ZNF326: variants seen among roughly 807,000 people sequenced by gnomAD.
ZNF326 encodes DBIRD complex subunit ZNF326.
A neutral mutation model predicts 63.1 loss-of-function variants in ZNF326; 30 were observed. That is an observed-to-expected ratio of 0.48 (90% CI 0.36 to 0.64). ZNF326 has a LOEUF of 0.64. ZNF326 is among the 30% of genes least tolerant of loss of function. The pLI is 0.00. For synonymous variants in ZNF326, 194 were observed against 228.2 expected (o/e 0.85, Z 1.35); for missense variants, 609 against 720.3 (o/e 0.85, Z 1.77).
At chr1:90,001,851 C>T (rs1648701242) in intron 2 of ZNF326, among the ~76,000 whole-genome samples, 1 of 152,152 alleles carries the variant, frequency 6.6e-6, no homozygotes, top group Admixed American at 6.5e-5. Flanking sequence ...AGCCACCTTG[C>T]CCAGCCCATA....
At chr1:90,000,479 G>C (rs1648621234) in intron 2 of ZNF326, among the ~76,000 whole-genome samples, 1 of 152,166 alleles carries the variant, frequency 6.6e-6, no homozygotes, top group Non-Finnish European at 1.5e-5. Flanking sequence ...TAGGAGCACT[G>C]CTTGAGGCCA....
chr1:90,004,798 CTTTTTTT>C (rs34878438), intron 2 of ZNF326, among the ~76,000 whole-genome samples, 198 bp from the exon 3 acceptor site: 1 of 68,118 alleles, frequency 1.5e-5, no homozygotes, highest in Non-Finnish European at 2.6e-5. Context: ...AATATCAGGG[CTTTTTTT>C]TTTTTTTTTT....
intron 7 of ZNF326, 61 bp downstream of exon 7, chr1:90,013,298 C>T: frequency 4.8e-6 from 6 of 1,257,912 alleles, no homozygotes; most frequent in Non-Finnish European, 6.5e-6. Context: ...AAAAAGCCAA[C>T]ACATCAATTG....
intron 9 of ZNF326, among the ~76,000 whole-genome samples, chr1:90,020,115 GTTTTTCT>G (rs1649692649): frequency 2.6e-5 from 4 of 151,932 alleles, no homozygotes; most frequent in Non-Finnish European, 5.9e-5. Context: ...ATTACTTCCA[GTTTTTCT>G]TATCTTACGA....
At chr1:90,021,387 T>A (rs904009110) in intron 10 of ZNF326, among the ~76,000 whole-genome samples, 1 of 151,980 alleles carries the variant, frequency 6.6e-6, no homozygotes, top group Non-Finnish European at 1.5e-5. Context: ...TGTTTTAGAA[T>A]AAAAAAGAAA....
intron 6 of ZNF326, 135 bp from the exon 7 acceptor site, chr1:90,012,991 G>T: frequency 1.7e-6 from 1 of 597,604 alleles, no homozygotes; most frequent in South Asian, 4.8e-5. Flanking sequence ...CTCAAACTCC[G>T]ATTTTTTTGG....
chr1:90,005,804 A>G (rs1045549419), intron 4 of ZNF326: 1 of 985,408 alleles, frequency 1.0e-6, no homozygotes, highest in Admixed American at 6.1e-5. Flanking sequence ...ATTTATTGAC[A>G]GGTACTACTT....
At chr1:90,001,790 T>G (rs1022603080) in intron 2 of ZNF326, among the ~76,000 whole-genome samples, 5 of 152,124 alleles carry the variant, frequency 3.3e-5, no homozygotes, top group Admixed American at 1.3e-4. Flanking sequence ...ACTCCTGACC[T>G]CAGGTGATCC....
At chr1:90,020,745 G>A in intron 9 of ZNF326, 47 bp from the exon 10 acceptor site, 1 of 1,571,088 alleles carries the variant, frequency 6.4e-7, no homozygotes, top group Non-Finnish European at 8.6e-7. Context: ...TCATTGGTCA[G>A]AAATAACATA....
chr1:90,011,987 C>T (rs1205369467), intron 6 of ZNF326, among the ~76,000 whole-genome samples: 1 of 152,116 alleles, frequency 6.6e-6, no homozygotes, highest in Non-Finnish European at 1.5e-5. Flanking sequence ...CAGATGTGCA[C>T]CACCACGCCC....
rs2101106845 is a variant in ZNF326 at position 90,030,367 on chromosome 1, T to C, written c.*2666T>C. The stretch of plus-strand genomic sequence containing the variant: ...TTTTTTTTTTTTGTACCTATACAGT[T>C]AGAACTCCTTATCATGTTGATCAGA... On this transcript the variant is annotated 3_prime_UTR_variant, in exon 12 of 12. Coordinates refer to ENST00000340281, the MANE Select transcript of ZNF326 (RefSeq NM_182976.4). 6.6e-6 allele frequency: 1 copy of C among 152,076 alleles called. No homozygotes were observed. Among genetic ancestry groups the C allele is most frequent in the East Asian group, 1.9e-4 (1 of 5,188 alleles). 9.4% of individuals were successfully genotyped at this position (152,076 alleles called of 1,614,324 possible).
intron 2 of ZNF326, among the ~76,000 whole-genome samples, chr1:90,001,100 G>C (rs1056791656): frequency 2.6e-5 from 4 of 152,150 alleles, no homozygotes; most frequent in Non-Finnish European, 5.9e-5. Flanking sequence ...CCTGTGCATT[G>C]TGGAACATTT....
At chr1:89,998,229 A>G in intron 2 of ZNF326, 75 bp downstream of exon 2, 4 of 1,416,228 alleles carry the variant, frequency 2.8e-6, no homozygotes, top group South Asian at 2.4e-5. Context: ...AGTTCTACCT[A>G]TTTCAGTCCT....
chr1:90,027,219 T>C, intron 11 of ZNF326, 135 bp from the exon 12 acceptor site: 1 of 801,462 alleles, frequency 1.2e-6, no homozygotes, highest in South Asian at 1.8e-5. Flanking sequence ...AAATACTTAA[T>C]GAATTTGTTA....
At chr1:90,013,694 AATT>A (rs1418287926) in intron 7 of ZNF326, among the ~76,000 whole-genome samples, 5 of 152,348 alleles carry the variant, frequency 3.3e-5, no homozygotes, top group African/African-American at 1.2e-4. Context: ...ACACAAAGCT[AATT>A]ATTATACCAG....
At chr1:90,012,196 A>G (rs1649284755) in intron 6 of ZNF326, among the ~76,000 whole-genome samples, 1 of 152,216 alleles carries the variant, frequency 6.6e-6, no homozygotes, top group African/African-American at 2.4e-5. Flanking sequence ...AAAGGTAGAA[A>G]CAATTGAAAT....
intron 9 of ZNF326, among the ~76,000 whole-genome samples, chr1:90,020,044 C>T (rs1412746610): frequency 6.6e-6 from 1 of 152,124 alleles, no homozygotes; most frequent in East Asian, 1.9e-4. Flanking sequence ...CCTTTAAATA[C>T]TGTATTTGTT....
chr1:90,001,422 CT>C (rs980244993), intron 2 of ZNF326, among the ~76,000 whole-genome samples: 1 of 152,108 alleles, frequency 6.6e-6, no homozygotes, highest in Non-Finnish European at 1.5e-5. Flanking sequence ...AGTTAGGAGA[CT>C]TTTGCAATAA....
rs1289373299 is a variant in ZNF326 at position 90,032,479 on chromosome 1, C to G, written c.*4778C>G. The G allele has an allele frequency of 6.6e-6, 1 of 151,984 alleles. No individual in the cohort carries two copies. Among genetic ancestry groups the G allele is most frequent in the African/African-American group, 2.4e-5 (1 of 41,366 alleles). The allele number at this position is 151,984 out of a possible 1,614,324, so 9.4% of individuals were successfully genotyped here. On this transcript the variant is annotated 3_prime_UTR_variant, in exon 12 of 12. Coordinates refer to ENST00000340281, the MANE Select transcript of ZNF326 (RefSeq NM_182976.4). Reference sequence around the variant, plus strand: ...ATTCAAGTCATTAAATTCTAAAGTTCTATTAAAATTGTAGAGGAGATACAA... The same window carrying G: ...ATTCAAGTCATTAAATTCTAAAGTTGTATTAAAATTGTAGAGGAGATACAA...
Sources: allele counts gnomAD v4.1 joint callset (sites outside exome capture counted in the v4.1 genomes callset), GRCh38; gene constraint gnomAD v4.1.1; transcripts MANE v1.5; gene names NCBI Gene and HGNC (gene_info 2026-07-23, HGNC 2026-07-21).